The following FRMD4A variants were observed in gnomAD, a reference collection of about 807,000 sequenced individuals.
FRMD4A encodes FERM domain-containing protein 4A.
Under a neutral mutation model 129.1 loss-of-function variants are expected in FRMD4A, and 29 were observed. The observed-to-expected ratio is 0.22, with a 90% confidence interval of 0.17 to 0.31. The LOEUF is 0.31. FRMD4A is among the 10% of genes least tolerant of loss of function. The pLI is 1.00. For missense variants in FRMD4A, 1,272 were observed against 1,375.8 expected (o/e 0.92, Z 1.19); for synonymous variants, 634 against 571.6 (o/e 1.11, Z -1.56).
chr10:13,884,184 A>ACGCT (rs780160804), intron 2 of FRMD4A, among the ~76,000 whole-genome samples: 36,531 of 78,488 alleles, frequency 0.47, 9,813 homozygotes, highest in Middle Eastern at 0.57. Flanking sequence ...ACTCACACAC[A>ACGCT]CACACACACA....
chr10:14,196,136 T>C (rs1349101397), intron 2 of FRMD4A, among the ~76,000 whole-genome samples: 2 of 149,132 alleles, frequency 1.3e-5, no homozygotes, highest in Non-Finnish European at 3.0e-5. Flanking sequence ...GGTGTGCACA[T>C]AAACATATAT....
At chr10:14,264,690 C>G (rs920474313) in intron 2 of FRMD4A, among the ~76,000 whole-genome samples, 1 of 152,114 alleles carries the variant, frequency 6.6e-6, no homozygotes, top group Middle Eastern at 3.2e-3. Flanking sequence ...CCCTTTGACC[C>G]TAACTTTTGC....
intron 2 of FRMD4A, among the ~76,000 whole-genome samples, chr10:14,250,676 C>T (rs1564417621): frequency 6.6e-6 from 1 of 152,194 alleles, no homozygotes; most frequent in Non-Finnish European, 1.5e-5. Flanking sequence ...CAGTCCTTGG[C>T]TTCAGGGCTG....
At chr10:14,105,862 A>G (rs1837560943) in intron 2 of FRMD4A, among the ~76,000 whole-genome samples, 1 of 152,118 alleles carries the variant, frequency 6.6e-6, no homozygotes, top group Non-Finnish European at 1.5e-5. Flanking sequence ...GTTGTTTATC[A>G]TGTTCCTCTG....
At chr10:14,195,155 C>CAG (rs1437174399) in intron 2 of FRMD4A, among the ~76,000 whole-genome samples, 1 of 152,114 alleles carries the variant, frequency 6.6e-6, no homozygotes, top group East Asian at 1.9e-4. Context: ...AATAATCCAC[C>CAG]AGATTCCCTT....
At chr10:14,169,866 T>G (rs2131883546) in intron 2 of FRMD4A, among the ~76,000 whole-genome samples, 2 of 152,342 alleles carry the variant, frequency 1.3e-5, no homozygotes, top group Middle Eastern at 3.4e-3. Context: ...TATTTGCAAG[T>G]AATTGTCAAG....
At position 14,147,396 on chromosome 10, in the gene FRMD4A, C is replaced by T. The variant is rs1338579852; in HGVS notation, c.45+182662G>A. Among the ~76,000 whole-genome samples the T allele has an allele frequency of 3.3e-5, 5 of 152,074 alleles. No homozygotes were observed. In the East Asian group the frequency reaches 5.8e-4, roughly 18 times the overall value. ...CTGGTTTTGTGGAAGATACTTTTTC[C>T]GTGGACTGGGGAGAGGGGAATGGTT... On this transcript the variant is annotated intron_variant, in intron 2 of 24. Coordinates refer to ENST00000357447, the MANE Select transcript of FRMD4A (RefSeq NM_018027.5).
intron 2 of FRMD4A, among the ~76,000 whole-genome samples, chr10:13,889,431 T>G (rs1017105614): frequency 6.6e-6 from 1 of 152,198 alleles, no homozygotes; most frequent in African/African-American, 2.4e-5. Flanking sequence ...TCGAGAGCTG[T>G]GCACATCTGG....
At chr10:14,273,978 G>A (rs182773705) in intron 2 of FRMD4A, among the ~76,000 whole-genome samples, 1 of 152,330 alleles carries the variant, frequency 6.6e-6, no homozygotes, top group Non-Finnish European at 1.5e-5. Context: ...TGGTGAGAAA[G>A]AGGATGCTGA....
At position 13,666,644 on chromosome 10, in the gene FRMD4A, C is replaced by T. The variant is rs2083061699; in HGVS notation, c.1375-319G>A. 2.0e-5 allele frequency among the ~76,000 whole-genome samples: 3 copies of T among 152,180 alleles called. No homozygotes were observed. The South Asian group carries it at 6.2e-4, about 32-fold the overall frequency. On this transcript the variant is annotated intron_variant, in intron 17 of 24. Coordinates refer to ENST00000357447, the MANE Select transcript of FRMD4A (RefSeq NM_018027.5). ...AAGGTTCATCAAGACAAACCAAAGC[C>T]TTTGGAGAGATTCAGAGCCCAAGTG...
At chr10:14,320,401 C>T (rs558825293) in intron 2 of FRMD4A, among the ~76,000 whole-genome samples, 5 of 152,312 alleles carry the variant, frequency 3.3e-5, no homozygotes, top group South Asian at 2.1e-4. Context: ...CCACCCTTGG[C>T]GGTTTAACAT....
At chr10:14,104,978 C>G (rs1837510793) in intron 2 of FRMD4A, among the ~76,000 whole-genome samples, 1 of 152,212 alleles carries the variant, frequency 6.6e-6, no homozygotes, top group African/African-American at 2.4e-5. Flanking sequence ...ACACCAAGCT[C>G]TCCTCCACTG....
rs2082178797 is a variant in FRMD4A, at chr10:13,656,701, G to A, written c.2888C>T (p.Ser963Phe). 6.3e-7 allele frequency: 1 copy of A among 1,576,130 alleles called. No individual in the cohort carries two copies. Among genetic ancestry groups the A allele is most frequent in the Non-Finnish European group, 8.6e-7 (1 of 1,161,838 alleles). Residue 963 changes from serine (S) to phenylalanine (F), a missense_variant, in exon 22 of 25, where the codon TCC becomes TTC. By Grantham distance (155) the Ser-to-Phe change is radical (BLOSUM62 -2). Around this residue, in one of 2 missense-constraint regions of FRMD4A, gnomAD observed 972 missense variants for 892.3 expected, o/e 1.09. Coordinates refer to ENST00000357447, the MANE Select transcript of FRMD4A (RefSeq NM_018027.5). ...GCTGTGCGCCACGAAGGTGCTCTGG[G>A]AGGAGGTGCTGTACTGCGAGCCGCT... ...SDSGSQYSTS[S>F]QSTFVAHSRV...
At chr10:14,230,757 T>G (rs570111979) in intron 2 of FRMD4A, among the ~76,000 whole-genome samples, 21 of 152,168 alleles carry the variant, frequency 1.4e-4, no homozygotes, top group Admixed American at 6.5e-5. Flanking sequence ...ATCCGATAGG[T>G]AGCTTTTCCG....
intron 2 of FRMD4A, among the ~76,000 whole-genome samples, chr10:13,995,716 A>C (rs1415510763): frequency 1.3e-5 from 2 of 152,194 alleles, no homozygotes; most frequent in East Asian, 3.8e-4. Flanking sequence ...GCTCGTTGAC[A>C]ATTGGTCTTC....
At chr10:14,036,233 G>A (rs1833497137) in intron 2 of FRMD4A, among the ~76,000 whole-genome samples, 1 of 152,108 alleles carries the variant, frequency 6.6e-6, no homozygotes, top group Admixed American at 6.5e-5. Context: ...GTAAGCCTCT[G>A]ACTCCAAATG....
rs1276062965 is a variant in FRMD4A at position 13,657,316 on chromosome 10, T to G, written c.2273A>C (p.His758Pro). The G allele has an allele frequency of 4.3e-6, 7 of 1,611,774 alleles. No individual in the cohort carries two copies. The highest frequency in any genetic ancestry group is 5.9e-6 in the Non-Finnish European group (7 of 1,179,740). The change falls in exon 22 of 25, where the codon CAC (histidine) becomes CCC (proline). Residue 758 changes from histidine (H) to proline (P), a missense_variant. Around this residue, in one of 2 missense-constraint regions of FRMD4A, gnomAD observed 972 missense variants for 892.3 expected, o/e 1.09. Transcript: ENST00000357447. ...GGCGTTCATCTGCGCCGGGTAGTAGTGCTCCGAGCTCGAGTGGCTGGTGCA... is the reference window on the plus strand; with the variant it reads ...GGCGTTCATCTGCGCCGGGTAGTAGGGCTCCGAGCTCGAGTGGCTGGTGCA... ...SSCTSHSSSE[H>P]YYPAQMNANY...
In FRMD4A at chr10:13,927,347, T is replaced by G. The variant is rs191058445; in HGVS notation, c.46-68435A>C. 2.1e-4 allele frequency among the ~76,000 whole-genome samples: 32 copies of G among 152,336 alleles called. 1 individual carries two copies. The highest frequency in any genetic ancestry group is 2.0e-3 in the Admixed American group (30 of 15,308). ...AAACCATCTATGTAGAAAAACTGAT[T>G]CTACTATAATAGAAATGTTTTCTAG... On this transcript the variant is annotated intron_variant, in intron 2 of 24. Coordinates refer to ENST00000357447, the MANE Select transcript of FRMD4A (RefSeq NM_018027.5).
At chr10:13,740,470 C>CACAA (rs1471935735) in intron 10 of FRMD4A, 42 bp downstream of exon 10, 14 of 1,170,204 alleles carry the variant, frequency 1.2e-5, no homozygotes, top group Non-Finnish European at 1.7e-5. Context: ...TATTAACACA[C>CACAA]ACAAACACTG....
Sources: allele counts gnomAD v4.1 joint callset (sites outside exome capture counted in the v4.1 genomes callset), GRCh38; gene constraint gnomAD v4.1.1; regional missense constraint gnomAD v4.1.1; transcripts MANE v1.5; gene names NCBI Gene and HGNC (gene_info 2026-07-23, HGNC 2026-07-21).